Variants in VPS54 observed in about 807,000 individuals in gnomAD.
VPS54 encodes the protein vacuolar protein sorting-associated protein 54.
In VPS54, 45 loss-of-function variants were observed where a neutral mutation model predicts 121.5. The observed-to-expected ratio is 0.37, with a 90% CI of 0.29 to 0.47. VPS54 has a LOEUF of 0.47. Ranked by LOEUF, VPS54 falls within the 20% of genes least tolerant of loss-of-function variation. The probability of loss-of-function intolerance (pLI) is 0.99; values close to 1 mark genes in which losing one functional copy is unlikely to be tolerated. For missense variants in VPS54, 1,090 were observed against 1,131.4 expected (o/e 0.96, Z 0.52); for synonymous variants, 371 against 385.8 (o/e 0.96, Z 0.45).
Position 63,937,978 on chromosome 2 carries a change from C to T in VPS54, c.1399-3965G>A, listed in dbSNP as rs571310712. Reference sequence around the variant, plus strand: ...TGCACAGCATGAGTGCTCTATGAGTCAAACTCATAGAGACAGAAAGTAGAA... The same window carrying T: ...TGCACAGCATGAGTGCTCTATGAGTTAAACTCATAGAGACAGAAAGTAGAA... On this transcript the variant is annotated intron_variant, in intron 11 of 22. Transcript: ENST00000272322. Among the ~76,000 whole-genome samples the T allele has an allele frequency of 1.8e-4, 28 of 151,524 alleles. No homozygotes were observed. The South Asian group carries it at 5.6e-3, about 31-fold the overall frequency.
chr2:63,989,814 C>T (rs1316853746), intron 1 of VPS54, among the ~76,000 whole-genome samples: 2 of 152,138 alleles, frequency 1.3e-5, no homozygotes, highest in African/African-American at 4.8e-5. Flanking sequence ...CTATTCAGGG[C>T]AGTGGGAAAA....
chr2:63,900,392 T>G (rs530077835), intron 20 of VPS54, among the ~76,000 whole-genome samples: 4 of 152,292 alleles, frequency 2.6e-5, no homozygotes, highest in African/African-American at 9.6e-5. Context: ...TGCTAAAAAT[T>G]TAAACTTAGG....
At chr2:64,006,533 A>G (rs923926786) in intron 1 of VPS54, among the ~76,000 whole-genome samples, 2 of 152,272 alleles carry the variant, frequency 1.3e-5, no homozygotes, top group African/African-American at 2.4e-5. Context: ...TAGGAATGTC[A>G]TAAGATTTAA....
At chr2:63,981,997 C>T in intron 2 of VPS54, 110 bp from the exon 3 acceptor site, 1 of 1,152,076 alleles carries the variant, frequency 8.7e-7, no homozygotes, top group South Asian at 2.0e-5. Context: ...CGCAAACCAA[C>T]TAATCTTCCA....
intron 1 of VPS54, among the ~76,000 whole-genome samples, chr2:63,997,611 TTTTTG>T (rs59064791): frequency 0.047 from 7,102 of 151,994 alleles, 345 homozygotes; most frequent in African/African-American, 0.12. Flanking sequence ...GATGTGTCAG[TTTTTG>T]TTTTGTTTTG....
Position 63,983,955 on chromosome 2 carries a change from G to A in VPS54, c.45C>T (p.Ser15=). ...CCTCTATTTTAAAGAAAACATCACT[G>A]CTGCTTCCTTGAGGCACTGGTGAAG... ...HSSSPVPQGS[S]SDVFFKIEVD... The change falls in exon 2 of 23, where the codon AGC becomes AGT. Residue 15 remains serine (S), a synonymous_variant. Coordinates refer to ENST00000272322, the MANE Select transcript of VPS54 (RefSeq NM_016516.3). The A allele has an allele frequency of 6.2e-7, 1 of 1,613,654 alleles. No individual in the cohort carries two copies. Among genetic ancestry groups the A allele is most frequent in the Non-Finnish European group, 8.5e-7 (1 of 1,179,730 alleles).
chr2:63,955,339 A>C (rs1247031967), intron 7 of VPS54, among the ~76,000 whole-genome samples: 1 of 152,018 alleles, frequency 6.6e-6, no homozygotes, highest in Non-Finnish European at 1.5e-5. Context: ...ATTTTTATGA[A>C]GATCATTGAT....
intron 1 of VPS54, among the ~76,000 whole-genome samples, chr2:64,016,612 T>A (rs1055724444): frequency 0.021 from 105 of 5,006 alleles, 1 homozygote; most frequent in East Asian, 0.043. Flanking sequence ...AATTGTATAT[T>A]TTTTTTTTTT....
intron 1 of VPS54, among the ~76,000 whole-genome samples, chr2:64,001,369 T>C (rs1404392416): frequency 6.6e-6 from 1 of 152,218 alleles, no homozygotes; most frequent in Non-Finnish European, 1.5e-5. Flanking sequence ...GAACCCACTA[T>C]GGCCAAGGTG....
At chr2:63,894,607 G>C (rs769633952) in intron 22 of VPS54, among the ~76,000 whole-genome samples, 7 of 151,978 alleles carry the variant, frequency 4.6e-5, no homozygotes, top group Non-Finnish European at 7.4e-5. Flanking sequence ...GGAGTCTGCA[G>C]TGGGAGGATT....
chr2:63,929,484 C>T (rs974921821), intron 12 of VPS54, among the ~76,000 whole-genome samples: 4 of 152,130 alleles, frequency 2.6e-5, no homozygotes, highest in South Asian at 2.1e-4. Context: ...AAAGACACAA[C>T]GTACCAGAAT....
intron 7 of VPS54, among the ~76,000 whole-genome samples, chr2:63,958,498 C>A (rs1044667911): frequency 4.6e-5 from 7 of 151,998 alleles, no homozygotes; most frequent in Non-Finnish European, 8.8e-5. Flanking sequence ...ATGAAAGTTC[C>A]CTTTAAAAGC....
At position 63,892,305 on chromosome 2, in the gene VPS54, A is replaced by T. The variant is rs1387907250; in HGVS notation, c.*1125T>A. ...ACATAATCACCACAGGATATTAGGC[A>T]CTCTGACAGGGTTAGGCAAGATTCT... is the stretch of plus-strand genomic sequence containing the variant. On this transcript the variant is annotated 3_prime_UTR_variant, in exon 23 of 23. Coordinates refer to ENST00000272322, the MANE Select transcript of VPS54 (RefSeq NM_016516.3). 6.6e-6 allele frequency: 1 copy of T among 152,130 alleles called. No homozygotes were observed. Among genetic ancestry groups the T allele is most frequent in the Non-Finnish European group, 1.5e-5 (1 of 68,018 alleles). 9.4% of individuals were successfully genotyped at this position (152,130 alleles called of 1,614,324 possible). A position where few individuals can be genotyped will look rare whatever the true frequency, so the allele number is the denominator to read the frequency against.
At chr2:63,978,380 A>C (rs942080838) in intron 3 of VPS54, among the ~76,000 whole-genome samples, 7 of 152,090 alleles carry the variant, frequency 4.6e-5, no homozygotes, top group Non-Finnish European at 1.0e-4. Context: ...GGAGGTACCC[A>C]CTCTCAGATT....
At chr2:64,005,489 G>A (rs79608390) in intron 1 of VPS54, among the ~76,000 whole-genome samples, 1 of 152,192 alleles carries the variant, frequency 6.6e-6, no homozygotes, top group Non-Finnish European at 1.5e-5. Context: ...TGTAGCAATT[G>A]AATGTGATAT....
At chr2:63,900,813 A>G (rs1672650558) in intron 20 of VPS54, among the ~76,000 whole-genome samples, 1 of 152,138 alleles carries the variant, frequency 6.6e-6, no homozygotes, top group African/African-American at 2.4e-5. Flanking sequence ...GACAAGCTGG[A>G]GTGCAGTGGT....
chr2:63,944,996 A>T lies in VPS54; in HGVS notation c.1246-341T>A, dbSNP rs140586182. 5.0e-3 allele frequency among the ~76,000 whole-genome samples: 769 copies of T among 152,308 alleles called. 1 individual carries two copies. The highest frequency in any genetic ancestry group is 0.044 in the Middle Eastern group (13 of 294). ...CAGTGTAGCGATTCCTCAAAGACCT[A>T]AAGAGAGAAATACCATTCAATCCAG... is the stretch of plus-strand genomic sequence containing the variant. On this transcript the variant is annotated intron_variant, in intron 9 of 22. Transcript: ENST00000272322.
At chr2:63,974,901 T>C (rs1037679185) in intron 3 of VPS54, 1 of 1,371,340 alleles carries the variant, frequency 7.3e-7, no homozygotes, top group South Asian at 1.6e-5. Context: ...TCCTAATTTT[T>C]ATATATTTTA....
intron 6 of VPS54, among the ~76,000 whole-genome samples, chr2:63,965,031 TA>T (rs1559025880): frequency 6.6e-6 from 1 of 152,208 alleles, no homozygotes; most frequent in Non-Finnish European, 1.5e-5. Flanking sequence ...TAGTAACATG[TA>T]AAAGACTAGG....
Sources: gnomAD v4.1 joint callset for allele counts (sites outside exome capture counted in the v4.1 genomes callset) on GRCh38, gnomAD v4.1.1 for gene constraint, MANE v1.5 for transcripts, NCBI Gene and HGNC (gene_info 2026-07-23, HGNC 2026-07-21) for gene names.